The following PEX5L variants were observed in gnomAD, a reference collection of about 807,000 sequenced individuals.
PEX5L encodes PEX5-related protein.
PEX5L carries 30 observed loss-of-function variants against 84.0 expected under a neutral mutation model. The ratio of observed to expected loss-of-function variants is 0.36; its 90% CI spans 0.27 to 0.48. The LOEUF (loss-of-function observed/expected upper bound fraction) is 0.48. PEX5L is among the 20% of genes least tolerant of loss of function. The pLI is 0.99. For synonymous variants in PEX5L, 270 were observed against 283.1 expected (o/e 0.95, Z 0.46); for missense variants, 533 against 754.6 (o/e 0.71, Z 3.44).
intron 1 of PEX5L, among the ~76,000 whole-genome samples, chr3:179,992,734 G>A (rs1400164639): frequency 3.9e-5 from 6 of 152,048 alleles, no homozygotes; most frequent in African/African-American, 4.8e-5. Context: ...GTGGAGCAGC[G>A]CACACGAATT....
intron 3 of PEX5L, among the ~76,000 whole-genome samples, chr3:179,888,442 A>G (rs1305091997): frequency 6.6e-6 from 1 of 152,150 alleles, no homozygotes; most frequent in East Asian, 1.9e-4. Flanking sequence ...GGTAGATTCA[A>G]TTGTGTTTTC....
chr3:179,981,799 C>G (rs1433092947), intron 1 of PEX5L, among the ~76,000 whole-genome samples: 1 of 92,652 alleles, frequency 1.1e-5, no homozygotes, highest in East Asian at 5.4e-4. Flanking sequence ...TTGTTTCATG[C>G]TATTTGAAAA....
intron 8 of PEX5L, among the ~76,000 whole-genome samples, chr3:179,854,751 G>A (rs6808678): frequency 0.6 from 90,797 of 151,530 alleles, 27,396 homozygotes; most frequent in East Asian, 0.76. Flanking sequence ...TTGATTATTC[G>A]TAGGCACCAG....
chr3:179,915,117 C>T (rs1476012853), intron 2 of PEX5L, among the ~76,000 whole-genome samples: 1 of 152,144 alleles, frequency 6.6e-6, no homozygotes, highest in Non-Finnish European at 1.5e-5. Context: ...GTATGCTTTG[C>T]TCAGTGTCAT....
chr3:179,934,971 A>AT (rs1424429466), intron 2 of PEX5L, among the ~76,000 whole-genome samples: 7 of 152,064 alleles, frequency 4.6e-5, no homozygotes, highest in African/African-American at 1.4e-4. Context: ...AAAGGACCTG[A>AT]TTTTGGCAGA....
chr3:180,004,679 T>A (rs1333792130), intron 1 of PEX5L, among the ~76,000 whole-genome samples: 1 of 152,148 alleles, frequency 6.6e-6, no homozygotes. Flanking sequence ...ATGACATCCC[T>A]GGGCTCCACC....
intron 2 of PEX5L, among the ~76,000 whole-genome samples, chr3:179,927,545 A>G (rs544663749): frequency 2.1e-4 from 32 of 152,312 alleles, no homozygotes; most frequent in Admixed American, 1.5e-3. Flanking sequence ...GGAAGTCTAC[A>G]TTGTAGAAAT....
intron 7 of PEX5L, among the ~76,000 whole-genome samples, chr3:179,863,693 G>T (rs1403899871): frequency 6.6e-6 from 1 of 152,106 alleles, no homozygotes; most frequent in Non-Finnish European, 1.5e-5. Flanking sequence ...TGTTGGAGAG[G>T]ATGTGGAGAG....
chr3:180,021,356 G>T (rs1790411011), intron 1 of PEX5L, among the ~76,000 whole-genome samples: 1 of 152,124 alleles, frequency 6.6e-6, no homozygotes, highest in African/African-American at 2.4e-5. Flanking sequence ...TATTGTGGAG[G>T]CCAGTGTTTT....
intron 2 of PEX5L, among the ~76,000 whole-genome samples, chr3:179,923,348 G>A (rs1169451150): frequency 1.3e-5 from 2 of 149,426 alleles, no homozygotes; most frequent in East Asian, 3.9e-4. Context: ...CTAATAAAGG[G>A]AGAATTGGCA....
intron 2 of PEX5L, among the ~76,000 whole-genome samples, chr3:179,953,746 T>C (rs182767694): frequency 2.6e-5 from 4 of 152,246 alleles, no homozygotes; most frequent in African/African-American, 9.6e-5. Flanking sequence ...AGTAGTGATG[T>C]TAGATAAGCT....
chr3:179,808,813 C>T (rs534245747), intron 12 of PEX5L, among the ~76,000 whole-genome samples: 26 of 151,948 alleles, frequency 1.7e-4, no homozygotes, highest in South Asian at 1.0e-3. Flanking sequence ...CGTGGTGGCT[C>T]ACGCCTGTAA....
intron 8 of PEX5L, among the ~76,000 whole-genome samples, chr3:179,826,956 G>A (rs184675855): frequency 2.8e-4 from 43 of 152,256 alleles, no homozygotes; most frequent in African/African-American, 1.0e-3. Context: ...TAAAAATAGT[G>A]GTAACTGTAA....
At chr3:179,868,382 A>G (rs1749130788) in intron 7 of PEX5L, among the ~76,000 whole-genome samples, 2 of 152,176 alleles carry the variant, frequency 1.3e-5, no homozygotes, top group African/African-American at 4.8e-5. Flanking sequence ...GGAAGTAGGT[A>G]TGCGATAAAT....
At chr3:179,971,730 A>G in intron 1 of PEX5L, 65 bp from the exon 2 acceptor site, 1 of 1,412,064 alleles carries the variant, frequency 7.1e-7, no homozygotes, top group Non-Finnish European at 9.4e-7. Flanking sequence ...AATTCTACTT[A>G]ATATTTTTAA....
intron 10 of PEX5L, among the ~76,000 whole-genome samples, chr3:179,815,382 C>A (rs537496939): frequency 6.6e-6 from 1 of 152,162 alleles, no homozygotes; most frequent in Admixed American, 6.5e-5. Flanking sequence ...GTCAGGAGTT[C>A]GAGACCAGCC....
intron 2 of PEX5L, among the ~76,000 whole-genome samples, chr3:179,916,600 TTC>T (rs1314763376): frequency 6.6e-6 from 1 of 152,158 alleles, no homozygotes; most frequent in Non-Finnish European, 1.5e-5. Flanking sequence ...CAAAAAATTT[TTC>T]TTTCCTCAAT....
intron 8 of PEX5L, chr3:179,820,692 T>C (rs1728174708): frequency 6.6e-6 from 1 of 152,386 alleles, no homozygotes; most frequent in African/African-American, 2.4e-5. Flanking sequence ...GAAATCAGGC[T>C]GTTTACTCTT....
intron 1 of PEX5L, among the ~76,000 whole-genome samples, chr3:180,027,558 T>TA (rs1261920105): frequency 1.3e-5 from 2 of 152,218 alleles, no homozygotes; most frequent in African/African-American, 4.8e-5. Flanking sequence ...CCATGCTTTT[T>TA]ATCACTTCAT....
Sources: allele counts gnomAD v4.1 joint callset (sites outside exome capture counted in the v4.1 genomes callset), GRCh38; gene constraint gnomAD v4.1.1; transcripts MANE v1.5; gene names NCBI Gene and HGNC (gene_info 2026-07-23, HGNC 2026-07-21).